Variants in PCDHGA8 observed in about 807,000 individuals in gnomAD.
PCDHGA8 encodes protocadherin gamma subfamily A, 8.
Under a neutral mutation model 59.2 loss-of-function variants are expected in PCDHGA8, and 45 were observed. That is an observed-to-expected ratio of 0.76 (90% CI 0.60 to 0.98). The LOEUF (loss-of-function observed/expected upper bound fraction) is 0.98. Among genes scored for constraint, PCDHGA8 ranks in the 50% least tolerant of loss-of-function variants. The pLI is 0.00. For synonymous variants in PCDHGA8, 531 were observed against 519.0 expected, an observed-to-expected ratio of 1.02 and a Z score of -0.32; for missense variants, 1,257 against 1,196.2, an observed-to-expected ratio of 1.05 and a Z score of -0.75.
chr5:141,427,683 G>T, intron 1 of PCDHGA8: 1 of 836,052 alleles, frequency 1.2e-6, no homozygotes, highest in African/African-American at 1.7e-5. Context: ...CCTTCCCGGA[G>T]CCTCCATCCC....
chr5:141,462,070 G>C lies in PCDHGA8; in HGVS notation c.2425-32737G>C, dbSNP rs572217894. Among the ~76,000 whole-genome samples, 18 of 152,196 alleles carry C rather than the reference G, an allele frequency of 1.2e-4. No individual in the cohort carries two copies. In the South Asian group the frequency reaches 3.7e-3, roughly 32 times the overall value. On this transcript the variant is annotated intron_variant, in intron 1 of 3. Coordinates refer to ENST00000398604, the MANE Select transcript of PCDHGA8 (RefSeq NM_032088.2). ...ACTCCCGACCTCAGGTGATCTGCCC[G>C]CCTTGGCCTCCCAAAATGCTGGGAT...
At position 141,393,626 on chromosome 5, in the gene PCDHGA8, G is replaced by C. The variant is rs2092811511; in HGVS notation, c.813G>C (p.Glu271Asp). ...CTGTAACAGCCAGCGACCCGGATGA[G>C]GGAATCAACGGAAAAGTGGCATACA... ...LLTVTASDPDEGINGKVAYKF... is the reference protein window; with the variant it reads ...LLTVTASDPDDGINGKVAYKF... Residue 271 changes from glutamate (E) to aspartate (D), a missense_variant, in exon 1 of 4, where the codon GAG (glutamate) becomes GAC (aspartate). Glu to Asp is a conservative substitution (Grantham distance 45). Coordinates refer to ENST00000398604, the MANE Select transcript of PCDHGA8 (RefSeq NM_032088.2). 10 of 1,613,922 alleles carry C rather than the reference G, an allele frequency of 6.2e-6. No individual in the cohort carries two copies. The highest frequency in any genetic ancestry group is 8.5e-6 in the Non-Finnish European group (10 of 1,179,904).
chr5:141,433,641 G>T (rs1177387884), intron 1 of PCDHGA8, among the ~76,000 whole-genome samples: 1 of 152,104 alleles, frequency 6.6e-6, no homozygotes, highest in Admixed American at 6.5e-5. Flanking sequence ...TTTGAGACCA[G>T]CCTGACCAAC....
chr5:141,425,661 C>A (rs993314865), intron 1 of PCDHGA8, among the ~76,000 whole-genome samples: 5 of 152,184 alleles, frequency 3.3e-5, no homozygotes, highest in Admixed American at 3.3e-4. Context: ...ATTATCTGCA[C>A]ATCAGATTGA....
rs2099695548 is a variant in PCDHGA8, at chr5:141,490,059, C to T, written c.2425-4748C>T. On this transcript the variant is annotated intron_variant, in intron 1 of 3. Coordinates refer to ENST00000398604, the MANE Select transcript of PCDHGA8 (RefSeq NM_032088.2). The surrounding 1 kb of genome is among the most constrained non-coding windows in gnomAD (Gnocchi z 5.4). ...ATGCCACTGATCCAGACGAGGGCAC[C>T]AACGGCCAACTAGACTATTCTTTTG... 1.2e-6 allele frequency: 2 copies of T among 1,614,242 alleles called. No individual in the cohort carries two copies. The highest frequency in any genetic ancestry group is 1.7e-6 in the Non-Finnish European group (2 of 1,180,030).
chr5:141,415,404 C>T, intron 1 of PCDHGA8: 1 of 1,614,238 alleles, frequency 6.2e-7, no homozygotes, highest in Non-Finnish European at 8.5e-7. Context: ...CCGGCTCGCA[C>T]TTTGTGGGCG....
chr5:141,491,537 C>T lies in PCDHGA8; in HGVS notation c.2425-3270C>T, dbSNP rs1330469043. The T allele has an allele frequency of 3.1e-6, 5 of 1,613,908 alleles. No homozygotes were observed. The highest frequency in any genetic ancestry group is 4.2e-6 in the Non-Finnish European group (5 of 1,180,020). On this transcript the variant is annotated intron_variant, in intron 1 of 3. Transcript: ENST00000398604. This position sits in a 1 kb window ranked among gnomAD's most constrained non-coding sequence, Gnocchi z 6.9. ...AAGTACATGGAGGTGACGCTGCGGC[C>T]CACAGACTCGCAGAGCCACTGCTAC...
Position 141,393,973 on chromosome 5 carries a change from G to T in PCDHGA8, c.1160G>T (p.Arg387Leu), listed in dbSNP as rs776954838. ...AATGGTCAAGTTGTCTGTTACACAC[G>T]TGATAATTTACCTTTTAAATTAGAA... is the stretch of plus-strand genomic sequence containing the variant. ...GKNGQVVCYT[R>L]DNLPFKLEKS... Residue 387 changes from arginine to leucine, a missense_variant, in exon 1 of 4, where the codon CGT (arginine) becomes CTT (leucine). Transcript: ENST00000398604. 7 of 1,613,668 alleles carry T rather than the reference G, an allele frequency of 4.3e-6. No individual in the cohort carries two copies. Among genetic ancestry groups the T allele is most frequent in the Non-Finnish European group, 5.1e-6 (6 of 1,179,812 alleles).
intron 1 of PCDHGA8, 161 bp downstream of exon 1, chr5:141,395,398 T>C (rs976008795): frequency 1.2e-6 from 1 of 863,780 alleles, no homozygotes; most frequent in East Asian, 2.8e-5. Context: ...TGAACTCTAA[T>C]AGTCATAGGT....
chr5:141,413,850 C>G (rs2095685833), intron 1 of PCDHGA8: 3 of 1,613,244 alleles, frequency 1.9e-6, no homozygotes, highest in East Asian at 2.2e-5. Context: ...GTGACCCTCT[C>G]CGATCTGGCA....
At chr5:141,404,620 T>C in intron 1 of PCDHGA8, 2 of 1,614,162 alleles carry the variant, frequency 1.2e-6, no homozygotes, top group Non-Finnish European at 1.7e-6. Context: ...TGGACCAGAA[T>C]GACAATGCCC....
chr5:141,427,034 A>G (rs762633589), intron 1 of PCDHGA8: 7 of 457,110 alleles, frequency 1.5e-5, no homozygotes, highest in Non-Finnish European at 2.6e-5. Flanking sequence ...TCAGCCTTAG[A>G]GAGAATGTGC....
chr5:141,416,096 T>C (rs2095991930), intron 1 of PCDHGA8: 1 of 161,152 alleles, frequency 6.2e-6, no homozygotes, highest in South Asian at 2.0e-4. Flanking sequence ...AGAAGGGCAA[T>C]AGGCCTTTTT....
At chr5:141,453,288 A>T (rs931678565) in intron 1 of PCDHGA8, among the ~76,000 whole-genome samples, 18 of 151,342 alleles carry the variant, frequency 1.2e-4, no homozygotes, top group Admixed American at 3.3e-4. Context: ...TAATTTTTTA[A>T]TTATTTATTT....
intron 1 of PCDHGA8, chr5:141,413,221 G>A (rs1384304697): frequency 1.2e-6 from 2 of 1,613,452 alleles, no homozygotes; most frequent in East Asian, 2.2e-5. Flanking sequence ...GGATTGCAGC[G>A]GGCTGGTCCT....
chr5:141,469,829 A>G (rs2099212486), intron 1 of PCDHGA8, among the ~76,000 whole-genome samples: 1 of 152,102 alleles, frequency 6.6e-6, no homozygotes, highest in African/African-American at 2.4e-5. Context: ...AGGTCACATA[A>G]AACTTATTCT....
At chr5:141,429,577 T>C (rs2097225544) in intron 1 of PCDHGA8, among the ~76,000 whole-genome samples, 2 of 152,230 alleles carry the variant, frequency 1.3e-5, no homozygotes, top group South Asian at 4.1e-4. Context: ...TTACATTTAC[T>C]TTTGATTCTT....
At chr5:141,471,492 G>A (rs912591449) in intron 1 of PCDHGA8, 1 of 152,176 alleles carries the variant, frequency 6.6e-6, no homozygotes, top group Non-Finnish European at 1.5e-5. Context: ...GGAATTTAGG[G>A]AATGCAAGAG....
Position 141,431,559 on chromosome 5 carries a change from C to T in PCDHGA8, c.2424+36322C>T. 6.2e-7 allele frequency: 1 copy of T among 1,614,158 alleles called. No individual in the cohort carries two copies. On this transcript the variant is annotated intron_variant, in intron 1 of 3. Transcript: ENST00000398604. The surrounding 1 kb of genome is among the most constrained non-coding windows in gnomAD (Gnocchi z 4.8). ...ACGCAGCTGCTTGTAGTCAACGCTA[C>T]CGACCCTGACGAAGGAGTCAATGCG...
Sources: allele counts gnomAD v4.1 joint callset (sites outside exome capture counted in the v4.1 genomes callset), GRCh38; gene constraint gnomAD v4.1.1; non-coding constraint Gnocchi (gnomAD v3.1); transcripts MANE v1.5; gene names NCBI Gene and HGNC (gene_info 2026-07-23, HGNC 2026-07-21).